Variants in PPP2R2A observed in about 807,000 individuals in gnomAD.
The protein encoded by PPP2R2A is serine/threonine-protein phosphatase 2A 55 kDa regulatory subunit B alpha isoform.
In PPP2R2A, 9 loss-of-function variants were observed where a neutral mutation model predicts 53.2. The ratio of observed to expected loss-of-function variants is 0.17; its 90% CI spans 0.10 to 0.30. The LOEUF (loss-of-function observed/expected upper bound fraction) is 0.30. PPP2R2A is among the 10% of genes least tolerant of loss of function. The pLI is 1.00. For synonymous variants in PPP2R2A, 169 were observed against 174.2 expected (o/e 0.97, Z 0.23); for missense variants, 235 against 534.6 (o/e 0.44, Z 5.53).
intron 3 of PPP2R2A, among the ~76,000 whole-genome samples, chr8:26,347,043 C>T (rs1804253667): frequency 6.6e-6 from 1 of 152,126 alleles, no homozygotes; most frequent in Non-Finnish European, 1.5e-5. Context: ...CTTGCTTTTG[C>T]ATTAAATTCC....
intron 2 of PPP2R2A, among the ~76,000 whole-genome samples, chr8:26,330,307 C>CTTTTT (rs11351968): frequency 2.3e-5 from 3 of 129,946 alleles, no homozygotes; most frequent in Admixed American, 7.8e-5. Context: ...ATTCTTTTTT[C>CTTTTT]TTTTTTTTTT....
Position 26,320,277 on chromosome 8 carries a change from T to C in PPP2R2A, c.83-18613T>C, listed in dbSNP as rs1802769937. ...ACGAAAAAGCAGAATCCTGGTTATT[T>C]GGCAAACTCTACATGTTGTACTCCA... is the stretch of plus-strand genomic sequence containing the variant. On this transcript the variant is annotated intron_variant, in intron 2 of 9. Transcript: ENST00000380737. Among the ~76,000 whole-genome samples, 4 of 152,306 alleles carry C rather than the reference T, an allele frequency of 2.6e-5. No homozygotes were observed. The South Asian group carries it at 8.3e-4, about 32-fold the overall frequency.
rs142557137 is a variant in PPP2R2A at position 26,354,832 on chromosome 8, TTTAC to T, written c.346+201_346+204del. Among the ~76,000 whole-genome samples, 224 of 152,318 alleles carry T rather than the reference TTTAC, an allele frequency of 1.5e-3. 2 individuals are homozygous for T. The highest frequency in any genetic ancestry group is 5.3e-3 in the African/African-American group (221 of 41,570). On this transcript the variant is annotated intron_variant, in intron 4 of 9. Transcript: ENST00000380737. This position sits in a 1 kb window ranked among gnomAD's most constrained non-coding sequence, Gnocchi z 4.6. The stretch of plus-strand genomic sequence containing the variant: ...AAGATTCTCTGATAGCAATTTTTTG[TTTAC>T]TACACCTCCAATTTGTAGTGAAAAG...
At chr8:26,309,115 C>T (rs1490026539) in intron 2 of PPP2R2A, among the ~76,000 whole-genome samples, 3 of 152,174 alleles carry the variant, frequency 2.0e-5, no homozygotes, top group African/African-American at 7.2e-5. Flanking sequence ...CTCACCTTGG[C>T]CTCCCAAAGT....
chr8:26,356,346 G>T (rs1321013238), intron 4 of PPP2R2A, among the ~76,000 whole-genome samples: 3 of 152,126 alleles, frequency 2.0e-5, no homozygotes, highest in African/African-American at 7.2e-5. Context: ...CCGTTTTTCT[G>T]ATCATGAAAG....
chr8:26,319,685 T>G lies in PPP2R2A; in HGVS notation c.83-19205T>G, dbSNP rs138981407. 3.3e-3 allele frequency among the ~76,000 whole-genome samples: 503 copies of G among 152,328 alleles called. 2 individuals are homozygous for G. The highest frequency in any genetic ancestry group is 5.1e-3 in the Non-Finnish European group (350 of 68,030). ...TTTGACCATATGTGCAGGGGTTTACTTCTGAGCTCTCTATTCCATTGATAG... is the reference window on the plus strand; with the variant it reads ...TTTGACCATATGTGCAGGGGTTTACGTCTGAGCTCTCTATTCCATTGATAG... On this transcript the variant is annotated intron_variant, in intron 2 of 9. Transcript: ENST00000380737.
chr8:26,343,742 A>G (rs1804069120), intron 3 of PPP2R2A, among the ~76,000 whole-genome samples: 1 of 152,236 alleles, frequency 6.6e-6, no homozygotes, highest in Non-Finnish European at 1.5e-5. Context: ...CAAAATATTC[A>G]TAATTGAGTA....
At chr8:26,349,716 C>T (rs557343251) in intron 3 of PPP2R2A, among the ~76,000 whole-genome samples, 1 of 152,190 alleles carries the variant, frequency 6.6e-6, no homozygotes, top group Non-Finnish European at 1.5e-5. Flanking sequence ...ACAAACCCTT[C>T]TCTTTTCCCT....
chr8:26,301,180 T>G (rs1006385958), intron 2 of PPP2R2A, among the ~76,000 whole-genome samples: 4 of 152,190 alleles, frequency 2.6e-5, no homozygotes, highest in African/African-American at 9.6e-5. Context: ...TTAGTTCAGG[T>G]GAAGGCGTTT....
chr8:26,338,382 G>A lies in PPP2R2A; in HGVS notation c.83-508G>A, dbSNP rs1049032866. Among the ~76,000 whole-genome samples the A allele has an allele frequency of 7.2e-5, 11 of 152,100 alleles. No individual in the cohort carries two copies. Among genetic ancestry groups the A allele is most frequent in the Non-Finnish European group, 1.5e-4 (10 of 68,014 alleles). On this transcript the variant is annotated intron_variant, in intron 2 of 9. Coordinates refer to ENST00000380737, the MANE Select transcript of PPP2R2A (RefSeq NM_002717.4). This position sits in a 1 kb window ranked among gnomAD's most constrained non-coding sequence, Gnocchi z 4.5. ...CGAAGCATTTCTGCTATAAAAAAGC[G>A]GGATCTATTTGCAAACACTTGTTTG...
At chr8:26,368,603 A>G (rs1446598848) in intron 9 of PPP2R2A, among the ~76,000 whole-genome samples, 1 of 152,250 alleles carries the variant, frequency 6.6e-6, no homozygotes, top group Non-Finnish European at 1.5e-5. Context: ...AGAAAATATT[A>G]CAGCCTGGGC....
chr8:26,336,509 G>C (rs1485916876), intron 2 of PPP2R2A, among the ~76,000 whole-genome samples: 1 of 151,906 alleles, frequency 6.6e-6, no homozygotes, highest in African/African-American at 2.4e-5. Context: ...CTGTAATGCT[G>C]TCCTTACTGA....
chr8:26,357,087 T>TA (rs1239802269), intron 4 of PPP2R2A, among the ~76,000 whole-genome samples: 18 of 152,210 alleles, frequency 1.2e-4, no homozygotes, highest in Admixed American at 1.1e-3. Context: ...TAAAGCAGAT[T>TA]ATGAGAATCA....
chr8:26,328,702 T>C (rs1259062484), intron 2 of PPP2R2A, among the ~76,000 whole-genome samples: 1 of 152,228 alleles, frequency 6.6e-6, no homozygotes, highest in Non-Finnish European at 1.5e-5. Flanking sequence ...TGTTATTTTT[T>C]TGTACTGGGT....
At chr8:26,357,841 T>C (rs566587211) in intron 4 of PPP2R2A, among the ~76,000 whole-genome samples, 10 of 152,150 alleles carry the variant, frequency 6.6e-5, no homozygotes, top group Admixed American at 2.0e-4. Context: ...AACACCACAG[T>C]GTGGTCGTTT....
chr8:26,314,454 C>T (rs1802443385), intron 2 of PPP2R2A, among the ~76,000 whole-genome samples: 1 of 151,710 alleles, frequency 6.6e-6, no homozygotes, highest in Admixed American at 6.6e-5. Flanking sequence ...GTTCTTGGAT[C>T]TCACATCTTT....
chr8:26,356,090 G>T (rs1004850445), intron 4 of PPP2R2A, among the ~76,000 whole-genome samples: 1 of 152,098 alleles, frequency 6.6e-6, no homozygotes, highest in Non-Finnish European at 1.5e-5. Context: ...ACTTTTTTGA[G>T]GTTGGTGCTA....
Position 26,295,368 on chromosome 8 carries a change from G to GAT in PPP2R2A, c.82+1632_82+1633dup, listed in dbSNP as rs536342116. On this transcript the variant is annotated intron_variant, in intron 2 of 9. Transcript: ENST00000380737. Reference sequence around the variant, plus strand: ...TACCTACCTGAACCAAATAACTTGTGATATACATTAAGTCCTCCCTTAATG... The same window carrying GAT: ...TACCTACCTGAACCAAATAACTTGTGATATATACATTAAGTCCTCCCTTAATG... Among the ~76,000 whole-genome samples the GAT allele has an allele frequency of 9.7e-4, 147 of 152,246 alleles. 2 individuals are homozygous for GAT. The highest frequency in any genetic ancestry group is 3.3e-3 in the African/African-American group (136 of 41,548).
intron 2 of PPP2R2A, among the ~76,000 whole-genome samples, chr8:26,311,329 T>G (rs962002748): frequency 1.3e-5 from 2 of 152,154 alleles, no homozygotes; most frequent in Non-Finnish European, 2.9e-5. Flanking sequence ...TCAACTAGTT[T>G]TTGAGGTTTT....
Sources: gnomAD v4.1 joint callset for allele counts (sites outside exome capture counted in the v4.1 genomes callset) on GRCh38, gnomAD v4.1.1 for gene constraint, Gnocchi (gnomAD v3.1) non-coding constraint, MANE v1.5 for transcripts, NCBI Gene and HGNC (gene_info 2026-07-23, HGNC 2026-07-21) for gene names.